Variants in STRIP2 observed in about 807,000 individuals in gnomAD.
STRIP2 encodes striatin-interacting protein 2.
A neutral mutation model predicts 107.1 loss-of-function variants in STRIP2; 84 were observed. The ratio of observed to expected loss-of-function variants is 0.78; its 90% CI spans 0.66 to 0.94. STRIP2 has a LOEUF of 0.94. STRIP2 is among the 40% of genes least tolerant of loss of function. The probability of loss-of-function intolerance (pLI) is 0.00; values close to 1 mark genes in which losing one functional copy is unlikely to be tolerated. For missense variants in STRIP2, 888 were observed against 1,034.2 expected (o/e 0.86, Z 1.94); for synonymous variants, 394 against 400.4 (o/e 0.98, Z 0.19).
At position 129,439,283 on chromosome 7, in the gene STRIP2, T is replaced by G. The variant is rs113856611; in HGVS notation, c.130-739T>G. Among the ~76,000 whole-genome samples, 817 of 152,262 alleles carry G rather than the reference T, an allele frequency of 5.4e-3. 10 individuals are homozygous for G. Among genetic ancestry groups the G allele is most frequent in the African/African-American group, 0.019 (791 of 41,536 alleles). ...GGAACCAGGGGCAAAGAACAGTATATTTTTTATGTCACGCTGAGGCACAGA... is the reference window on the plus strand; with the variant it reads ...GGAACCAGGGGCAAAGAACAGTATAGTTTTTATGTCACGCTGAGGCACAGA... On this transcript the variant is annotated intron_variant, in intron 1 of 20. Coordinates refer to ENST00000249344, the MANE Select transcript of STRIP2 (RefSeq NM_020704.3).
intron 18 of STRIP2, among the ~76,000 whole-genome samples, chr7:129,479,240 C>T (rs1419588787): frequency 6.7e-6 from 1 of 148,540 alleles, no homozygotes; most frequent in Non-Finnish European, 1.5e-5. Flanking sequence ...CCCCACTGCA[C>T]TCAAGTCTGG....
chr7:129,471,995 T>A (rs947618563), intron 18 of STRIP2, among the ~76,000 whole-genome samples: 16 of 143,914 alleles, frequency 1.1e-4, no homozygotes, highest in African/African-American at 1.9e-4. Context: ...TTAAAAAAAA[T>A]TTTTTTTACC....
At chr7:129,471,572 A>G (rs1442292307) in intron 18 of STRIP2, among the ~76,000 whole-genome samples, 1 of 152,226 alleles carries the variant, frequency 6.6e-6, no homozygotes, top group Admixed American at 6.5e-5. Context: ...TAATTCCTGC[A>G]AAATGTTGAG....
At chr7:129,464,513 G>A (rs1452360010) in intron 15 of STRIP2, 99 bp from the exon 16 acceptor site, 12 of 1,339,550 alleles carry the variant, frequency 9.0e-6, no homozygotes, top group Non-Finnish European at 1.2e-5. Context: ...CCAAGTTCTG[G>A]CTCTCTTGTG....
At chr7:129,468,178 C>G (rs1179054370) in intron 17 of STRIP2, among the ~76,000 whole-genome samples, 3 of 152,276 alleles carry the variant, frequency 2.0e-5, no homozygotes, top group African/African-American at 7.2e-5. Context: ...TTCACAAGAA[C>G]TGGAAATATG....
chr7:129,485,762 A>G lies in STRIP2; in HGVS notation c.2438A>G (p.Glu813Gly), dbSNP rs200570394. The change falls in exon 21 of 21, where the codon GAG becomes GGG. Residue 813 changes from glutamate (E) to glycine (G), a missense_variant. Transcript: ENST00000249344. ...CCTGAAGATTTCCACTATTCATATGAGCTCTGGCTCGAGAGAGAGGTGTTT... is the reference window on the plus strand; with the variant it reads ...CCTGAAGATTTCCACTATTCATATGGGCTCTGGCTCGAGAGAGAGGTGTTT... ...DLPEDFHYSY[E>G]LWLEREVFSQ... The G allele has an allele frequency of 5.6e-6, 9 of 1,614,170 alleles. No homozygotes were observed. Among genetic ancestry groups the G allele is most frequent in the Admixed American group, 1.7e-5 (1 of 60,028 alleles).
Position 129,458,287 on chromosome 7 carries a change from A to T in STRIP2, c.1111A>T (p.Thr371Ser). The change falls in exon 10 of 21, where the codon ACA becomes TCA. Residue 371 changes from threonine (T) to serine (S), a missense_variant. By Grantham distance (58) the Thr-to-Ser change is moderately conservative. Coordinates refer to ENST00000249344, the MANE Select transcript of STRIP2 (RefSeq NM_020704.3). This position sits in a 1 kb window ranked among gnomAD's most constrained non-coding sequence, Gnocchi z 4.6. ...TCTCTTCAAGACTGAGGAGCCCGCC[A>T]CAGAGGAGGAAGAGGAGTCTGCTGG... ...RDLFKTEEPA[T>S]EEEEESAGDG... is the part of the protein sequence containing the mutation. 1 of 1,614,198 alleles carries T rather than the reference A, an allele frequency of 6.2e-7. No homozygotes were observed. Among genetic ancestry groups the T allele is most frequent in the South Asian group, 1.1e-5 (1 of 91,078 alleles).
intron 18 of STRIP2, 46 bp downstream of exon 18, chr7:129,470,761 C>T (rs1798772307): frequency 1.3e-6 from 2 of 1,534,438 alleles, no homozygotes. Context: ...CTAGGTAGCA[C>T]AGGTTGGCAT....
intron 2 of STRIP2, among the ~76,000 whole-genome samples, chr7:129,442,089 G>A (rs527547023): frequency 6.6e-6 from 1 of 152,250 alleles, no homozygotes; most frequent in East Asian, 1.9e-4. Flanking sequence ...GCTGGGCATC[G>A]TGGCATGCAC....
chr7:129,468,308 C>T (rs189021908), intron 17 of STRIP2, among the ~76,000 whole-genome samples: 1 of 152,292 alleles, frequency 6.6e-6, no homozygotes, highest in Admixed American at 6.5e-5. Flanking sequence ...TGAAATTCCA[C>T]CATGGAGAAG....
rs777684549 is a variant in STRIP2, at chr7:129,460,396, G to A, written c.1476+24G>A. On this transcript the variant is annotated intron_variant, in intron 13 of 20. Coordinates refer to ENST00000249344, the MANE Select transcript of STRIP2 (RefSeq NM_020704.3). The stretch of plus-strand genomic sequence containing the variant: ...TGGTGAGCCAAGGAAGCCCTACACA[G>A]GAGGAGAGTAGAAGAAAACCTGTCT... 8 of 1,604,292 alleles carry A rather than the reference G, an allele frequency of 5.0e-6. No individual in the cohort carries two copies. In the Admixed American group the frequency reaches 1.2e-4, roughly 24 times the overall value.
At chr7:129,474,936 G>T (rs910402820) in intron 18 of STRIP2, among the ~76,000 whole-genome samples, 1 of 152,190 alleles carries the variant, frequency 6.6e-6, no homozygotes, top group Non-Finnish European at 1.5e-5. Context: ...ATTAATTTCT[G>T]AAGTATTCCC....
intron 1 of STRIP2, 23 bp from the exon 2 acceptor site, chr7:129,439,999 C>T (rs1797853953): frequency 6.2e-7 from 1 of 1,608,382 alleles, no homozygotes; most frequent in Non-Finnish European, 8.5e-7. Flanking sequence ...ATCCCAGTTA[C>T]CAACAAAATT....
chr7:129,444,423 G>C (rs980622807), intron 3 of STRIP2, among the ~76,000 whole-genome samples: 6 of 152,170 alleles, frequency 3.9e-5, no homozygotes, highest in Non-Finnish European at 8.8e-5. Flanking sequence ...AAAGATGTAG[G>C]CTGAAAGGCT....
chr7:129,456,444 C>G lies in STRIP2; in HGVS notation c.840C>G (p.Thr280=), dbSNP rs770052118. 1 of 1,613,630 alleles carries G rather than the reference C, an allele frequency of 6.2e-7. No homozygotes were observed. Among genetic ancestry groups the G allele is most frequent in the Admixed American group, 1.7e-5 (1 of 59,922 alleles). ...CTTTCCTGTTTCTTCCTTAGTTTAC[C>G]CTCGGTGGATTTGAGCATCTGCAGA... The part of the protein sequence containing the change: ...LLLLWKVVMF[T]LGGFEHLQTL... The change falls in exon 9 of 21, where the codon ACC becomes ACG. Residue 280 remains threonine (T), a synonymous_variant. Transcript: ENST00000249344.
At position 129,450,918 on chromosome 7, in the gene STRIP2, C is replaced by CTTTTTTTTTT. The variant is rs758536953; in HGVS notation, c.275-668_275-659dup. On this transcript the variant is annotated intron_variant, in intron 3 of 20. Coordinates refer to ENST00000249344, the MANE Select transcript of STRIP2 (RefSeq NM_020704.3). ...GGCCACAGCATTAGTGAGAAAGGTC[C>CTTTTTTTTTT]TTTTTTTTTTTTTTTTTTTTTTTTT... is the stretch of plus-strand genomic sequence containing the variant. Among the ~76,000 whole-genome samples, 15 of 54,512 alleles carry CTTTTTTTTTT rather than the reference C, an allele frequency of 2.8e-4. 2 individuals are homozygous for CTTTTTTTTTT. Among genetic ancestry groups the CTTTTTTTTTT allele is most frequent in the Non-Finnish European group, 3.8e-4 (12 of 31,552 alleles). The allele number at this position is 54,512 out of a possible 152,430, so 35.8% of individuals were successfully genotyped here.
At chr7:129,479,423 G>C (rs1158434926) in intron 18 of STRIP2, among the ~76,000 whole-genome samples, 5 of 152,098 alleles carry the variant, frequency 3.3e-5, no homozygotes, top group Admixed American at 6.6e-5. Flanking sequence ...GAAGCAGACA[G>C]ATGGTTCTCC....
At chr7:129,466,291 G>A (rs1798669573) in intron 16 of STRIP2, among the ~76,000 whole-genome samples, 1 of 152,158 alleles carries the variant, frequency 6.6e-6, no homozygotes, top group Admixed American at 6.5e-5. Flanking sequence ...TGGCTCTTTT[G>A]TCTGGGGCTT....
chr7:129,458,736 G>A lies in STRIP2; in HGVS notation c.1299G>A (p.Leu433=). The A allele has an allele frequency of 6.2e-7, 1 of 1,614,190 alleles. No individual in the cohort carries two copies. The change falls in exon 11 of 21, where the codon TTG becomes TTA. Residue 433 remains leucine (L), a synonymous_variant. Transcript: ENST00000249344. The surrounding 1 kb of genome is among the most constrained non-coding windows in gnomAD (Gnocchi z 4.6). ...GACAGAAGGACATTGAGCACTTCTTGGAGATGAGCAGGAACAAGTTCATCG... is the reference window on the plus strand; with the variant it reads ...GACAGAAGGACATTGAGCACTTCTTAGAGATGAGCAGGAACAAGTTCATCG... The part of the protein sequence containing the change: ...KVRQKDIEHF[L]EMSRNKFIGF...
Sources: allele counts gnomAD v4.1 joint callset (sites outside exome capture counted in the v4.1 genomes callset), GRCh38; gene constraint gnomAD v4.1.1; non-coding constraint Gnocchi (gnomAD v3.1); transcripts MANE v1.5; gene names NCBI Gene and HGNC (gene_info 2026-07-23, HGNC 2026-07-21).